The following KIF1A variants were observed in gnomAD, a reference collection of about 807,000 sequenced individuals.
KIF1A encodes the protein kinesin-like protein KIF1A.
In KIF1A, 46 loss-of-function variants were observed where a neutral mutation model predicts 227.3. The ratio of observed to expected loss-of-function variants is 0.20; its 90% CI spans 0.16 to 0.26. KIF1A has a LOEUF of 0.26. Among genes scored for constraint, KIF1A ranks in the 10% least tolerant of loss-of-function variants. KIF1A has a pLI of 1.00. For missense variants in KIF1A, 1,683 were observed against 2,485.9 expected, an observed-to-expected ratio of 0.68 and a Z score of 6.87; for synonymous variants, 1,022 against 1,012.8, an observed-to-expected ratio of 1.01 and a Z score of -0.17.
chr2:240,786,658 G>GTGA (rs1559529423), intron 5 of KIF1A, 145 bp from the exon 6 acceptor site: 1 of 668,800 alleles, frequency 1.5e-6, no homozygotes, highest in African/African-American at 1.9e-5. Flanking sequence ...CCCTGAGTGA[G>GTGA]GGGGTGGGGG....
intron 28 of KIF1A, 69 bp from the exon 29 acceptor site, chr2:240,747,390 G>A: frequency 1.6e-6 from 2 of 1,264,722 alleles, no homozygotes; most frequent in Non-Finnish European, 1.1e-6. Flanking sequence ...GCAGAGCCAG[G>A]CTGGGCCACC....
chr2:240,819,552 G>T (rs1222282264), intron 1 of KIF1A, among the ~76,000 whole-genome samples: 1 of 131,174 alleles, frequency 7.6e-6, no homozygotes, highest in Non-Finnish European at 1.6e-5. Context: ...TCCAGCATCC[G>T]CCCTCCCCCA....
intron 32 of KIF1A, 103 bp downstream of exon 32, chr2:240,745,324 G>A: frequency 1.1e-6 from 1 of 931,602 alleles, no homozygotes; most frequent in South Asian, 1.4e-5. Context: ...AGGCAGTCCT[G>A]GCCCACAACT....
intron 10 of KIF1A, 146 bp downstream of exon 10, chr2:240,782,444 T>G: frequency 9.9e-7 from 1 of 1,010,916 alleles, no homozygotes; most frequent in Non-Finnish European, 1.4e-6. Flanking sequence ...CACACCCGCT[T>G]TCTTCCTTCC....
intron 27 of KIF1A, among the ~76,000 whole-genome samples, chr2:240,751,304 G>A (rs1292455210): frequency 6.6e-6 from 1 of 152,188 alleles, no homozygotes; most frequent in Non-Finnish European, 1.5e-5. Flanking sequence ...CACACAGCCA[G>A]GCGGAAGGAT....
At chr2:240,755,918 G>T (rs766066163) in intron 27 of KIF1A, among the ~76,000 whole-genome samples, 3 of 152,130 alleles carry the variant, frequency 2.0e-5, no homozygotes, top group Non-Finnish European at 4.4e-5. Context: ...GGGGTCCACT[G>T]CTCCCTCTTG....
At chr2:240,765,660 C>T (rs202211932) in intron 20 of KIF1A, 50 bp downstream of exon 20, 50 of 1,421,296 alleles carry the variant, frequency 3.5e-5, no homozygotes, top group African/African-American at 1.1e-4. Flanking sequence ...ACAGAGGCCT[C>T]GCCTCATGCC....
chr2:240,726,900 G>A lies in KIF1A; in HGVS notation c.4048C>T (p.His1350Tyr), dbSNP rs1174886545. Reference sequence around the variant, plus strand: ...ACCCGGTTCAGCAGGAGAGAGTTGTGCATGGAGCTGTCCCACGCAGCCTCA... The same window carrying A: ...ACCCGGTTCAGCAGGAGAGAGTTGTACATGGAGCTGTCCCACGCAGCCTCA... ...QFEAAWDSSM[H>Y]NSLLLNRVTP... is the part of the protein sequence containing the mutation. The change falls in exon 39 of 49, where the codon CAC becomes TAC. Residue 1350 changes from histidine (H) to tyrosine (Y), a missense_variant. His to Tyr is a moderately conservative substitution (Grantham distance 83). This residue lies in a region of KIF1A where 759 missense variants were observed against 1,020.2 expected (regional missense o/e 0.74). Coordinates refer to ENST00000498729, the MANE Select transcript of KIF1A (RefSeq NM_001244008.2). This position sits in a 1 kb window ranked among gnomAD's most constrained non-coding sequence, Gnocchi z 5.2. The A allele has an allele frequency of 6.2e-7, 1 of 1,612,020 alleles. No individual in the cohort carries two copies. Among genetic ancestry groups the A allele is most frequent in the Non-Finnish European group, 8.5e-7 (1 of 1,179,114 alleles).
intron 38 of KIF1A, 144 bp from the exon 39 acceptor site, chr2:240,727,084 G>A (rs778775403): frequency 1.3e-4 from 71 of 562,546 alleles, no homozygotes; most frequent in Non-Finnish European, 2.0e-4. Flanking sequence ...CCCGGGCGGC[G>A]GTGCCAGGAA....
Position 240,782,614 on chromosome 2 carries a change from A to G in KIF1A, c.865-7T>C, listed in dbSNP as rs1386207981. On this transcript the variant is annotated splice_region_variant and splice_polypyrimidine_tract_variant and intron_variant, in intron 9 of 48. Coordinates refer to ENST00000498729, the MANE Select transcript of KIF1A (RefSeq NM_001244008.2). ...CCTTGTTGGGTCCGGAGTCCTGAAA[A>G]GGAAAAGACAGAGAGAGGCTGAGGC... The G allele has an allele frequency of 2.6e-6, 4 of 1,551,850 alleles. No homozygotes were observed. The highest frequency in any genetic ancestry group is 3.5e-6 in the Non-Finnish European group (4 of 1,147,578).
chr2:240,733,072 G>A (rs1367572884), intron 38 of KIF1A, among the ~76,000 whole-genome samples: 2 of 151,566 alleles, frequency 1.3e-5, no homozygotes, highest in Admixed American at 1.3e-4. Flanking sequence ...GAGCTTCCTG[G>A]CCAGGCTCTG....
Position 240,752,681 on chromosome 2 carries a change from C to T in KIF1A, c.2859-2134G>A, listed in dbSNP as rs1017347516. On this transcript the variant is annotated intron_variant, in intron 27 of 48. Coordinates refer to ENST00000498729, the MANE Select transcript of KIF1A (RefSeq NM_001244008.2). This position sits in a 1 kb window ranked among gnomAD's most constrained non-coding sequence, Gnocchi z 6.4. ...CATGCTGTGGGGCTCTGAGCCAGCC[C>T]CTGCCCTCCAGCCCCCACCCACCCC... 1.3e-5 allele frequency among the ~76,000 whole-genome samples: 2 copies of T among 152,222 alleles called. No individual in the cohort carries two copies. The highest frequency in any genetic ancestry group is 2.1e-4 in the South Asian group (1 of 4,822).
intron 27 of KIF1A, among the ~76,000 whole-genome samples, chr2:240,753,135 C>G (rs1237542656): frequency 1.3e-5 from 2 of 152,232 alleles, no homozygotes; most frequent in African/African-American, 4.8e-5. Flanking sequence ...CAGGACCACA[C>G]CCAGAGGGAG....
Position 240,788,705 on chromosome 2 carries a change from G to A in KIF1A, c.184-475C>T, listed in dbSNP as rs533714567. Among the ~76,000 whole-genome samples, 4 of 152,180 alleles carry A rather than the reference G, an allele frequency of 2.6e-5. No homozygotes were observed. In the East Asian group the frequency reaches 7.7e-4, roughly 29 times the overall value. Reference sequence around the variant, plus strand: ...GTCATCCTGGAAGGAGGAAGGACTGGATGGGGAAGGCAGAAGCGGGGAGCC... The same window carrying A: ...GTCATCCTGGAAGGAGGAAGGACTGAATGGGGAAGGCAGAAGCGGGGAGCC... On this transcript the variant is annotated intron_variant, in intron 3 of 48. Coordinates refer to ENST00000498729, the MANE Select transcript of KIF1A (RefSeq NM_001244008.2). This position sits in a 1 kb window ranked among gnomAD's most constrained non-coding sequence, Gnocchi z 6.6.
chr2:240,796,401 G>C (rs114242918), intron 2 of KIF1A, among the ~76,000 whole-genome samples: 1 of 152,114 alleles, frequency 6.6e-6, no homozygotes, highest in Non-Finnish European at 1.5e-5. Flanking sequence ...GTTCATCCAC[G>C]GGCCCCGGCA....
chr2:240,797,772 C>A lies in KIF1A; in HGVS notation c.-20G>T. On this transcript the variant is annotated 5_prime_UTR_variant, in exon 2 of 49. Transcript: ENST00000498729. ...GGCCATCTCTGTGGCCTTCGTGGGT[C>A]ACTCCTCGCAGTAGTGGGAGCCCCA... 3.2e-6 allele frequency: 5 copies of A among 1,548,626 alleles called. No homozygotes were observed. The highest frequency in any genetic ancestry group is 1.1e-5 in the South Asian group (1 of 87,998).
chr2:240,750,641 T>C, intron 27 of KIF1A, 94 bp from the exon 28 acceptor site: 1 of 911,564 alleles, frequency 1.1e-6, no homozygotes, highest in Admixed American at 2.0e-5. Context: ...CGACACAACA[T>C]GGAGCTGCAA....
rs553462576 is a variant in KIF1A at position 240,752,204 on chromosome 2, A to G, written c.2859-1657T>C. 1.3e-4 allele frequency among the ~76,000 whole-genome samples: 19 copies of G among 151,382 alleles called. No individual in the cohort carries two copies. Among genetic ancestry groups the G allele is most frequent in the African/African-American group, 4.6e-4 (19 of 41,180 alleles). On this transcript the variant is annotated intron_variant, in intron 27 of 48. Coordinates refer to ENST00000498729, the MANE Select transcript of KIF1A (RefSeq NM_001244008.2). This position sits in a 1 kb window ranked among gnomAD's most constrained non-coding sequence, Gnocchi z 6.4. ...CGAGTACCCCACACCAATGGAGCCCATCAGGGACTTGTTACCCACAGGGCT... is the reference window on the plus strand; with the variant it reads ...CGAGTACCCCACACCAATGGAGCCCGTCAGGGACTTGTTACCCACAGGGCT...
intron 34 of KIF1A, 65 bp from the exon 35 acceptor site, chr2:240,741,442 C>T (rs1159403184): frequency 2.4e-6 from 3 of 1,268,374 alleles, no homozygotes; most frequent in South Asian, 1.6e-5. Context: ...CAAGGGCACA[C>T]TCAAGGAGGA....
Sources: gnomAD v4.1 joint callset for allele counts (sites outside exome capture counted in the v4.1 genomes callset) on GRCh38, gnomAD v4.1.1 for gene constraint, gnomAD v4.1.1 regional missense constraint, Gnocchi (gnomAD v3.1) non-coding constraint, MANE v1.5 for transcripts, NCBI Gene and HGNC (gene_info 2026-07-23, HGNC 2026-07-21) for gene names.